Variants in WDFY3 observed in about 807,000 individuals in gnomAD.
The protein encoded by WDFY3 is WD repeat and FYVE domain-containing protein 3.
Under a neutral mutation model 409.6 loss-of-function variants are expected in WDFY3, and 66 were observed. That is an observed-to-expected ratio of 0.16 (90% CI 0.13 to 0.20). The LOEUF (loss-of-function observed/expected upper bound fraction) is 0.20, where lower values mean the gene tolerates loss of function less well. WDFY3 is among the 10% of genes least tolerant of loss of function. WDFY3 has a pLI of 1.00. For synonymous variants in WDFY3, 1,521 were observed against 1,537.1 expected (o/e 0.99, Z 0.25); for missense variants, 3,031 against 4,298.1 (o/e 0.71, Z 8.24).
At chr4:84,705,256 A>G (rs1731734814) in intron 54 of WDFY3, 138 bp downstream of exon 54, 1 of 682,524 alleles carries the variant, frequency 1.5e-6, no homozygotes, top group South Asian at 2.0e-5. Context: ...AATAATCTGC[A>G]TATATGTGTG....
At chr4:84,784,667 GTC>G (rs1206665912) in intron 24 of WDFY3, among the ~76,000 whole-genome samples, 4 of 151,210 alleles carry the variant, frequency 2.6e-5, no homozygotes, top group Non-Finnish European at 4.4e-5. Context: ...GTGAAACCCT[GTC>G]TCTAATAAAA....
chr4:84,676,650 T>C (rs1384056641), intron 67 of WDFY3, among the ~76,000 whole-genome samples: 1 of 151,550 alleles, frequency 6.6e-6, no homozygotes, highest in Non-Finnish European at 1.5e-5. Context: ...GATAAATTCA[T>C]ATAATTAAAA....
At chr4:84,853,796 A>G (rs1435758060) in intron 4 of WDFY3, among the ~76,000 whole-genome samples, 2 of 152,228 alleles carry the variant, frequency 1.3e-5, no homozygotes, top group Non-Finnish European at 2.9e-5. Context: ...CAAAATCAGT[A>G]CTACAGAAAA....
chr4:84,720,439 C>T (rs1411811773), intron 47 of WDFY3, among the ~76,000 whole-genome samples: 1 of 152,076 alleles, frequency 6.6e-6, no homozygotes, highest in African/African-American at 2.4e-5. Flanking sequence ...ATGAGTGACA[C>T]GGTTTGCATA....
At chr4:84,750,913 T>C (rs768956206) in intron 36 of WDFY3, among the ~76,000 whole-genome samples, 15 of 152,242 alleles carry the variant, frequency 9.9e-5, no homozygotes, top group South Asian at 2.1e-4. Flanking sequence ...CAATGCACCA[T>C]GTCTTAAGTT....
intron 3 of WDFY3, among the ~76,000 whole-genome samples, chr4:84,888,790 A>T (rs2150484159): frequency 6.6e-6 from 1 of 152,082 alleles, no homozygotes; most frequent in Non-Finnish European, 1.5e-5. Flanking sequence ...CCAAGGTGAG[A>T]ATATTTGCAA....
At chr4:84,957,860 T>TA (rs1366690855) in intron 1 of WDFY3, among the ~76,000 whole-genome samples, 1 of 152,212 alleles carries the variant, frequency 6.6e-6, no homozygotes, top group Non-Finnish European at 1.5e-5. Flanking sequence ...CTATTAGTGT[T>TA]ACAGTTATTA....
chr4:84,744,017 ATCT>A (rs1254249329), intron 36 of WDFY3, among the ~76,000 whole-genome samples: 1 of 150,310 alleles, frequency 6.7e-6, no homozygotes, highest in Non-Finnish European at 1.5e-5. Context: ...GTGAAACATC[ATCT>A]TCTTTTGAAT....
chr4:84,718,231 A>G (rs982365195), intron 48 of WDFY3, among the ~76,000 whole-genome samples, 191 bp downstream of exon 48: 10 of 152,114 alleles, frequency 6.6e-5, no homozygotes, highest in Non-Finnish European at 1.0e-4. Context: ...CTTGATAAAT[A>G]AGCCAAACAT....
intron 1 of WDFY3, among the ~76,000 whole-genome samples, chr4:84,949,513 A>C (rs1773330938): frequency 6.6e-6 from 1 of 152,228 alleles, no homozygotes; most frequent in African/African-American, 2.4e-5. Flanking sequence ...TTCTTAATGC[A>C]AAACTTAAGG....
intron 27 of WDFY3, among the ~76,000 whole-genome samples, chr4:84,777,249 G>A (rs1745711385): frequency 6.6e-6 from 1 of 152,030 alleles, no homozygotes; most frequent in South Asian, 2.1e-4. Flanking sequence ...CAGATGTCAA[G>A]GTTAGAGATT....
intron 51 of WDFY3, among the ~76,000 whole-genome samples, chr4:84,709,803 T>TGCTG (rs1732580461): frequency 6.6e-6 from 1 of 152,236 alleles, no homozygotes; most frequent in Non-Finnish European, 1.5e-5. Flanking sequence ...CTCAGCTCAC[T>TGCTG]GCAGCCTCTA....
chr4:84,718,794 C>T (rs538460908), intron 47 of WDFY3, among the ~76,000 whole-genome samples: 1 of 152,234 alleles, frequency 6.6e-6, no homozygotes, highest in Admixed American at 6.5e-5. Context: ...TCTCAATATT[C>T]CGGGTGTACT....
chr4:84,766,344 T>C lies in WDFY3; in HGVS notation c.4878A>G (p.Val1626=), dbSNP rs1578423146. The change falls in exon 31 of 68, where the codon GTA becomes GTG. Residue 1626 remains valine (V), a synonymous_variant. Coordinates refer to ENST00000295888, the MANE Select transcript of WDFY3 (RefSeq NM_014991.6). ...TCCTCAAAAGTATAAGATTAGCTGA[T>C]ACAAGACCTCCAAACTCCTCTTCAG... The part of the protein sequence containing the change: ...TGTEEEFGGL[V]SANLILLRNR... The C allele has an allele frequency of 4.4e-6, 7 of 1,601,840 alleles. No homozygotes were observed. The East Asian group carries it at 6.7e-5, about 15-fold the overall frequency.
intron 56 of WDFY3, among the ~76,000 whole-genome samples, 169 bp downstream of exon 56, chr4:84,702,184 C>T (rs568297175): frequency 5.3e-5 from 8 of 152,174 alleles, no homozygotes; most frequent in East Asian, 1.9e-4. Context: ...ATTTTTGTAA[C>T]GACAAAAATC....
intron 26 of WDFY3, among the ~76,000 whole-genome samples, chr4:84,779,339 G>C (rs1254262816): frequency 1.3e-5 from 2 of 151,952 alleles, no homozygotes; most frequent in Admixed American, 1.3e-4. Context: ...GTGTATGATA[G>C]GTTTTAATCT....
intron 1 of WDFY3, among the ~76,000 whole-genome samples, chr4:84,935,339 T>G (rs1307132589): frequency 6.6e-6 from 1 of 152,206 alleles, no homozygotes; most frequent in East Asian, 1.9e-4. Context: ...TACCAAAAGG[T>G]AGTAGCAGAA....
intron 21 of WDFY3, among the ~76,000 whole-genome samples, chr4:84,792,600 G>A (rs1186692823): frequency 2.6e-5 from 4 of 152,076 alleles, no homozygotes; most frequent in East Asian, 1.9e-4. Context: ...ACAGCTGTTC[G>A]GAGAATGAAT....
intron 12 of WDFY3, 139 bp from the exon 13 acceptor site, chr4:84,817,724 T>C (rs1753509282): frequency 2.4e-6 from 2 of 823,016 alleles, no homozygotes; most frequent in Non-Finnish European, 3.7e-6. Context: ...CTATTTCACC[T>C]TTTAAATTAC....
Sources: gnomAD v4.1 joint callset for allele counts (sites outside exome capture counted in the v4.1 genomes callset) on GRCh38, gnomAD v4.1.1 for gene constraint, MANE v1.5 for transcripts, NCBI Gene and HGNC (gene_info 2026-07-23, HGNC 2026-07-21) for gene names.